The following RNF157 variants were observed in gnomAD, a reference collection of about 807,000 sequenced individuals.
RNF157 encodes the protein E3 ubiquitin ligase RNF157.
Under a neutral mutation model 88.3 loss-of-function variants are expected in RNF157, and 55 were observed. The ratio of observed to expected loss-of-function variants is 0.62; its 90% CI spans 0.50 to 0.78. The LOEUF (loss-of-function observed/expected upper bound fraction) is 0.78, where lower values mean the gene tolerates loss of function less well. Among genes scored for constraint, RNF157 ranks in the 30% least tolerant of loss-of-function variants. RNF157 has a pLI of 0.00. For synonymous variants in RNF157, 334 were observed against 341.2 expected (o/e 0.98, Z 0.23); for missense variants, 788 against 860.8 (o/e 0.92, Z 1.06).
Position 76,195,009 on chromosome 17 carries a change from T to C in RNF157, c.207+17355A>G, listed in dbSNP as rs1438391415. 2.0e-5 allele frequency among the ~76,000 whole-genome samples: 3 copies of C among 151,974 alleles called. No homozygotes were observed. The highest frequency in any genetic ancestry group is 2.9e-5 in the Non-Finnish European group (2 of 67,996). ...CAGCCTGGGTGACAGAGCGAGACTC[T>C]GTCTCAAAAAAACAAAACAAAACAC... On this transcript the variant is annotated intron_variant, in intron 2 of 18. Coordinates refer to ENST00000269391, the MANE Select transcript of RNF157 (RefSeq NM_052916.3). This position sits in a 1 kb window ranked among gnomAD's most constrained non-coding sequence, Gnocchi z 4.4.
chr17:76,162,888 A>G (rs575116954), intron 8 of RNF157: 50 of 328,592 alleles, frequency 1.5e-4, no homozygotes, highest in Non-Finnish European at 2.6e-4. Context: ...TAATACTTGC[A>G]CTGCAGCATA....
intron 2 of RNF157, among the ~76,000 whole-genome samples, chr17:76,182,351 G>A (rs1327721497): frequency 6.6e-6 from 1 of 152,056 alleles, no homozygotes; most frequent in African/African-American, 2.4e-5. Flanking sequence ...TCGGCAAAGC[G>A]CCACCTGGTG....
chr17:76,147,204 T>C, intron 18 of RNF157: 2 of 984,662 alleles, frequency 2.0e-6, no homozygotes, highest in Non-Finnish European at 2.4e-6. Flanking sequence ...ATATTGCCTT[T>C]AAAGTGAAGA....
In RNF157 at chr17:76,152,363, C is replaced by G. The variant is rs61760885; in HGVS notation, c.1913G>C (p.Cys638Ser). 7,501 of 1,604,182 alleles carry G rather than the reference C, an allele frequency of 4.7e-3. 31 individuals carry two copies. Among genetic ancestry groups the G allele is most frequent in the Non-Finnish European group, 5.9e-3 (6,880 of 1,170,968 alleles). ...AGCAGACTGACACTCACCAGGTAAGCAGACCTCAGAGCACAGCTTATTGTC... is the reference window on the plus strand; with the variant it reads ...AGCAGACTGACACTCACCAGGTAAGGAGACCTCAGAGCACAGCTTATTGTC... ...ALDNKLCSEV[C>S]LPGAWQADDN... The change falls in exon 18 of 19, where the codon TGC becomes TCC. Residue 638 changes from cysteine to serine, a missense_variant. By Grantham distance (112) the Cys-to-Ser change is moderately radical (BLOSUM62 -1). Transcript: ENST00000269391.
chr17:76,232,611 A>G (rs963309472), intron 1 of RNF157, among the ~76,000 whole-genome samples: 1 of 152,158 alleles, frequency 6.6e-6, no homozygotes, highest in Admixed American at 6.6e-5. Context: ...GGACAGATTC[A>G]TAGGAGTGGA....
intron 2 of RNF157, among the ~76,000 whole-genome samples, chr17:76,183,645 C>T (rs1026351940): frequency 8.6e-5 from 13 of 152,028 alleles, no homozygotes; most frequent in Non-Finnish European, 1.6e-4. Flanking sequence ...ATTTCTTCCA[C>T]ATTAAAAAAC....
At chr17:76,202,333 C>A (rs528180012) in intron 2 of RNF157, among the ~76,000 whole-genome samples, 100 of 152,304 alleles carry the variant, frequency 6.6e-4, no homozygotes, top group Non-Finnish European at 8.5e-4. Flanking sequence ...TAAGTGGTGG[C>A]CTCTCACAGA....
intron 18 of RNF157, chr17:76,145,641 G>GATCC: frequency 2.7e-6 from 1 of 370,044 alleles, no homozygotes; most frequent in East Asian, 4.4e-5. Flanking sequence ...CTTACCCTGG[G>GATCC]ATCCACTTTT....
chr17:76,193,397 G>C (rs116286837), intron 2 of RNF157, among the ~76,000 whole-genome samples: 2,565 of 152,242 alleles, frequency 0.017, 72 homozygotes, highest in African/African-American at 0.058. Context: ...AAGCAATTAG[G>C]TAAGTATCTC....
intron 2 of RNF157, among the ~76,000 whole-genome samples, chr17:76,174,496 T>C (rs773454260): frequency 6.6e-6 from 1 of 152,224 alleles, no homozygotes; most frequent in Non-Finnish European, 1.5e-5. Flanking sequence ...AAAATTTCAC[T>C]GGGAATTGCC....
chr17:76,201,197 T>C (rs1267281854), intron 2 of RNF157, among the ~76,000 whole-genome samples: 1 of 151,518 alleles, frequency 6.6e-6, no homozygotes, highest in Non-Finnish European at 1.5e-5. Flanking sequence ...CATAGAAGAA[T>C]ATGAAGAGCC....
intron 2 of RNF157, among the ~76,000 whole-genome samples, chr17:76,184,333 C>CT (rs944180902): frequency 2.6e-5 from 4 of 152,126 alleles, no homozygotes; most frequent in Admixed American, 2.6e-4. Flanking sequence ...TACATAATCT[C>CT]TTTTTTTATA....
Position 76,164,673 on chromosome 17 carries a change from G to C in RNF157, c.720+75C>G, listed in dbSNP as rs1046972333. 3.1e-5 allele frequency: 25 copies of C among 812,582 alleles called. No homozygotes were observed. In the Admixed American group the frequency reaches 4.9e-4, roughly 16 times the overall value. 50.3% of individuals were successfully genotyped at this position (812,582 alleles called of 1,614,324 possible). ...TAAAACAAAAATAAAAAAAGAGGGA[G>C]AGAGAAGAAGAAAGGAAAGAATAAA... is the stretch of plus-strand genomic sequence containing the variant. On this transcript the variant is annotated intron_variant, in intron 8 of 18. Coordinates refer to ENST00000269391, the MANE Select transcript of RNF157 (RefSeq NM_052916.3).
intron 3 of RNF157, among the ~76,000 whole-genome samples, chr17:76,171,451 G>A (rs557189117): frequency 6.6e-6 from 1 of 152,286 alleles, no homozygotes; most frequent in East Asian, 1.9e-4. Flanking sequence ...GTCTCCCAAA[G>A]TGCTGGGATT....
intron 18 of RNF157, chr17:76,147,355 G>C: frequency 1.0e-6 from 1 of 986,816 alleles, no homozygotes; most frequent in Non-Finnish European, 1.2e-6. Context: ...CAAGAGAGAA[G>C]ACACACATGC....
At chr17:76,225,673 C>T in intron 1 of RNF157, 1 of 1,220,408 alleles carries the variant, frequency 8.2e-7, no homozygotes. Context: ...TTTTTCCCTA[C>T]AAAATAATTT....
rs2068535783 is a variant in RNF157, at chr17:76,142,930, A to G, written c.*2305T>C. ...TAGTTAGGCTGTGCCCTGTGGGAGAAGCCAGGCCCCACCTCTTCTCTTTGG... is the reference window on the plus strand; with the variant it reads ...TAGTTAGGCTGTGCCCTGTGGGAGAGGCCAGGCCCCACCTCTTCTCTTTGG... On this transcript the variant is annotated 3_prime_UTR_variant, in exon 19 of 19. Coordinates refer to ENST00000269391, the MANE Select transcript of RNF157 (RefSeq NM_052916.3). 6.6e-6 allele frequency: 1 copy of G among 152,476 alleles called. No homozygotes were observed. Among genetic ancestry groups the G allele is most frequent in the South Asian group, 2.1e-4 (1 of 4,828 alleles). 9.4% of individuals were successfully genotyped at this position (152,476 alleles called of 1,614,324 possible).
At chr17:76,194,008 A>G (rs1381699559) in intron 2 of RNF157, among the ~76,000 whole-genome samples, 1 of 152,210 alleles carries the variant, frequency 6.6e-6, no homozygotes, top group Non-Finnish European at 1.5e-5. Flanking sequence ...GCCACAGAGA[A>G]GGCAATCACA....
In RNF157 at chr17:76,146,025, G is replaced by A. The variant is rs935818368; in HGVS notation, c.1922-672C>T. Among the ~76,000 whole-genome samples, 3 of 152,172 alleles carry A rather than the reference G, an allele frequency of 2.0e-5. No individual in the cohort carries two copies. The highest frequency in any genetic ancestry group is 7.2e-5 in the African/African-American group (3 of 41,438). On this transcript the variant is annotated intron_variant, in intron 18 of 18. Coordinates refer to ENST00000269391, the MANE Select transcript of RNF157 (RefSeq NM_052916.3). The surrounding 1 kb of genome is among the most constrained non-coding windows in gnomAD (Gnocchi z 4.2). ...GGTCCCACAGATACCATCACTAAAC[G>A]CATCCGCTCCCCAAATCTGCTGCTG...
Sources: gnomAD v4.1 joint callset for allele counts (sites outside exome capture counted in the v4.1 genomes callset) on GRCh38, gnomAD v4.1.1 for gene constraint, Gnocchi (gnomAD v3.1) non-coding constraint, MANE v1.5 for transcripts, NCBI Gene and HGNC (gene_info 2026-07-23, HGNC 2026-07-21) for gene names.